WDR49: variants seen among roughly 807,000 people sequenced by gnomAD.
WDR49 encodes the protein cilia- and flagella-associated protein 337.
A neutral mutation model predicts 119.5 loss-of-function variants in WDR49; 107 were observed. That is an observed-to-expected ratio of 0.90 (90% CI 0.77 to 1.05). WDR49 has a LOEUF of 1.05. Among genes scored for constraint, WDR49 ranks in the 50% least tolerant of loss-of-function variants. WDR49 has a pLI of 0.00. For missense variants in WDR49, 1,240 were observed against 1,220.5 expected, an observed-to-expected ratio of 1.02 and a Z score of -0.24; for synonymous variants, 425 against 418.8, an observed-to-expected ratio of 1.01 and a Z score of -0.18.
At chr3:167,613,773 C>T (rs892890604) in intron 5 of WDR49, among the ~76,000 whole-genome samples, 1 of 151,802 alleles carries the variant, frequency 6.6e-6, no homozygotes, top group Non-Finnish European at 1.5e-5. Context: ...GGCGAAACCC[C>T]GTCTCTACAA....
At chr3:167,559,959 T>C in intron 9 of WDR49, 105 bp downstream of exon 9, 1 of 1,246,620 alleles carries the variant, frequency 8.0e-7, no homozygotes, top group Non-Finnish European at 1.1e-6. Flanking sequence ...TTTCTCTTCT[T>C]GCAATACCAA....
chr3:167,516,839 G>C (rs1752228907), intron 16 of WDR49, among the ~76,000 whole-genome samples: 1 of 152,074 alleles, frequency 6.6e-6, no homozygotes, highest in Non-Finnish European at 1.5e-5. Context: ...CTAATATCCA[G>C]AATCTACAAT....
chr3:167,624,842 C>T (rs1005477174), intron 3 of WDR49, among the ~76,000 whole-genome samples: 2 of 152,024 alleles, frequency 1.3e-5, no homozygotes, highest in East Asian at 1.9e-4. Context: ...AATATTAGCT[C>T]CAGATACTTG....
chr3:167,636,301 T>A (rs1443010065), intron 2 of WDR49, among the ~76,000 whole-genome samples: 2 of 145,806 alleles, frequency 1.4e-5, no homozygotes, highest in Admixed American at 1.3e-4. Context: ...AATTCATTCC[T>A]TTTTATGGCT....
At chr3:167,564,553 G>T (rs186851146) in intron 8 of WDR49, among the ~76,000 whole-genome samples, 1 of 152,298 alleles carries the variant, frequency 6.6e-6, no homozygotes, top group African/African-American at 2.4e-5. Flanking sequence ...ATCTCTTTAA[G>T]TTTGCAGTTT....
At chr3:167,635,479 T>C (rs891418239) in intron 2 of WDR49, among the ~76,000 whole-genome samples, 5 of 151,698 alleles carry the variant, frequency 3.3e-5, no homozygotes, top group African/African-American at 1.2e-4. Context: ...CTGCCAACCC[T>C]TAGAAATGTT....
At position 167,602,282 on chromosome 3, in the gene WDR49, A is replaced by C. The variant is rs201699341; in HGVS notation, c.1127-7T>G. Reference sequence around the variant, plus strand: ...TTGTTAATGCCAGCAGTTGCTAATCAGAATTAGAAAGAAAAAAAATGTTTT... The same window carrying C: ...TTGTTAATGCCAGCAGTTGCTAATCCGAATTAGAAAGAAAAAAAATGTTTT... On this transcript the variant is annotated splice_region_variant and splice_polypyrimidine_tract_variant and intron_variant, in intron 6 of 18. Transcript: ENST00000682715. 113 of 1,548,420 alleles carry C rather than the reference A, an allele frequency of 7.3e-5. No homozygotes were observed. The highest frequency in any genetic ancestry group is 9.4e-5 in the Non-Finnish European group (107 of 1,138,710).
chr3:167,541,028 A>G (rs1711786201), intron 10 of WDR49, among the ~76,000 whole-genome samples: 1 of 152,048 alleles, frequency 6.6e-6, no homozygotes, highest in East Asian at 1.9e-4. Context: ...AAAAATGAAT[A>G]AAGACTCCAA....
chr3:167,516,150 C>T (rs528285418), intron 16 of WDR49, among the ~76,000 whole-genome samples: 72 of 152,208 alleles, frequency 4.7e-4, no homozygotes, highest in Admixed American at 1.1e-3. Flanking sequence ...ATGTGCACAA[C>T]GTGCAGGTTA....
Position 167,522,344 on chromosome 3 carries a change from A to G in WDR49, c.2745T>C (p.Asn915=). The stretch of plus-strand genomic sequence containing the variant: ...ATGTTGAGTCATCTTTGTTTTTCTT[A>G]TTAAGTAGAGAATGTTCTGTTGGGT... ...CLDPTEHSLL[N]KKNKDDSTYN... Residue 915 remains asparagine, a synonymous_variant, in exon 16 of 19, where the codon AAT becomes AAC. Coordinates refer to ENST00000682715, the MANE Select transcript of WDR49 (RefSeq NM_001366157.1). 6.3e-7 allele frequency: 1 copy of G among 1,588,958 alleles called. No individual in the cohort carries two copies. The highest frequency in any genetic ancestry group is 8.5e-7 in the Non-Finnish European group (1 of 1,174,280).
At chr3:167,580,352 C>G (rs1000173610) in intron 7 of WDR49, among the ~76,000 whole-genome samples, 1 of 152,100 alleles carries the variant, frequency 6.6e-6, no homozygotes, top group African/African-American at 2.4e-5. Context: ...TATATGACCT[C>G]CCTTATGTTC....
intron 2 of WDR49, among the ~76,000 whole-genome samples, chr3:167,650,392 T>A (rs1223048956): frequency 6.6e-6 from 1 of 152,204 alleles, no homozygotes; most frequent in Non-Finnish European, 1.5e-5. Context: ...TAATGCAAGT[T>A]TCTCTCCCTT....
At chr3:167,594,740 G>C (rs1251427934) in intron 7 of WDR49, among the ~76,000 whole-genome samples, 1 of 151,616 alleles carries the variant, frequency 6.6e-6, no homozygotes, top group Non-Finnish European at 1.5e-5. Context: ...AGCTATCTAT[G>C]ACAAACCCAC....
At chr3:167,599,688 C>T (rs1715663277) in intron 7 of WDR49, among the ~76,000 whole-genome samples, 1 of 152,164 alleles carries the variant, frequency 6.6e-6, no homozygotes. Context: ...CCATGTCTCA[C>T]CTGAAGTCAA....
intron 16 of WDR49, among the ~76,000 whole-genome samples, chr3:167,516,604 G>A (rs1752215850): frequency 6.6e-6 from 1 of 152,102 alleles, no homozygotes; most frequent in South Asian, 2.1e-4. Context: ...TGATCCTTTG[G>A]GTATATACCC....
At chr3:167,563,369 A>AG (rs1560287599) in intron 8 of WDR49, among the ~76,000 whole-genome samples, 1 of 149,198 alleles carries the variant, frequency 6.7e-6, no homozygotes, top group African/African-American at 2.5e-5. Context: ...AAAAAAAAAA[A>AG]AAAAAAAAGA....
chr3:167,536,815 C>A, intron 11 of WDR49, 55 bp downstream of exon 11: 1 of 1,377,510 alleles, frequency 7.3e-7, no homozygotes, highest in Non-Finnish European at 9.4e-7. Context: ...TGAGCCAAAA[C>A]AAACCAAAAC....
At chr3:167,650,496 T>C (rs1718324454) in intron 2 of WDR49, among the ~76,000 whole-genome samples, 1 of 152,196 alleles carries the variant, frequency 6.6e-6, no homozygotes, top group Non-Finnish European at 1.5e-5. Flanking sequence ...AACTTATTTG[T>C]TCCAAAGAAA....
chr3:167,559,259 G>C (rs1461435801), intron 9 of WDR49, among the ~76,000 whole-genome samples: 1 of 152,146 alleles, frequency 6.6e-6, no homozygotes, highest in Non-Finnish European at 1.5e-5. Flanking sequence ...ATGGAAGGTA[G>C]TCTAATACCC....
Sources: gnomAD v4.1 joint callset for allele counts (sites outside exome capture counted in the v4.1 genomes callset) on GRCh38, gnomAD v4.1.1 for gene constraint, MANE v1.5 for transcripts, NCBI Gene and HGNC (gene_info 2026-07-23, HGNC 2026-07-21) for gene names.